Variants in NAALADL2 observed in about 807,000 individuals in gnomAD.
NAALADL2 encodes N-acetylated alpha-linked acidic dipeptidase like 2.
In NAALADL2, 76 loss-of-function variants were observed where a neutral mutation model predicts 87.2. That is an observed-to-expected ratio of 0.87 (90% CI 0.72 to 1.05). The LOEUF is 1.05. Ranked by LOEUF, NAALADL2 falls within the 50% of genes least tolerant of loss-of-function variation. The probability of loss-of-function intolerance (pLI) is 0.00; values close to 1 mark genes in which losing one functional copy is unlikely to be tolerated. For missense variants in NAALADL2, 1,089 were observed against 945.8 expected (o/e 1.15, Z -1.99); for synonymous variants, 354 against 331.0 (o/e 1.07, Z -0.75).
At chr3:175,509,434 T>G (rs1445429218) in intron 9 of NAALADL2, among the ~76,000 whole-genome samples, 1 of 152,206 alleles carries the variant, frequency 6.6e-6, no homozygotes, top group Non-Finnish European at 1.5e-5. Flanking sequence ...TGTAGCTCAT[T>G]GTACACATAT....
intron 1 of NAALADL2, chr3:174,550,490 G>A (rs1711987842): frequency 6.6e-6 from 1 of 151,988 alleles, no homozygotes; most frequent in South Asian, 2.1e-4. Flanking sequence ...TTAAATTAAA[G>A]CCACAGACTT....
intron 11 of NAALADL2, among the ~76,000 whole-genome samples, chr3:175,709,222 TA>T (rs2149995037): frequency 6.6e-6 from 1 of 152,226 alleles, no homozygotes; most frequent in East Asian, 1.9e-4. Flanking sequence ...AAATTTGGAA[TA>T]TTTTTAGCTC....
At chr3:174,889,443 C>T (rs575146851) in intron 1 of NAALADL2, among the ~76,000 whole-genome samples, 2 of 152,232 alleles carry the variant, frequency 1.3e-5, no homozygotes, top group Non-Finnish European at 2.9e-5. Flanking sequence ...TACCACCTGC[C>T]TTTAGTTCCC....
intron 1 of NAALADL2, among the ~76,000 whole-genome samples, chr3:174,952,130 A>G (rs1293166818): frequency 2.0e-5 from 3 of 152,016 alleles, no homozygotes; most frequent in Non-Finnish European, 4.4e-5. Context: ...AAATCTCCAG[A>G]CCCGTCAGAT....
chr3:175,608,543 A>G (rs1395022133), intron 10 of NAALADL2, among the ~76,000 whole-genome samples: 2 of 151,948 alleles, frequency 1.3e-5, no homozygotes, highest in Admixed American at 1.3e-4. Context: ...CCTCTCTCCC[A>G]GTGTGTTTTT....
intron 3 of NAALADL2, among the ~76,000 whole-genome samples, chr3:174,813,286 CA>C (rs546961627): frequency 3.1e-3 from 466 of 152,110 alleles, no homozygotes; most frequent in Non-Finnish European, 5.5e-3. Context: ...AAAAAAAACA[CA>C]AAAAATCTCA....
intron 11 of NAALADL2, among the ~76,000 whole-genome samples, chr3:175,681,067 C>G (rs1307882288): frequency 6.6e-6 from 1 of 152,092 alleles, no homozygotes; most frequent in Non-Finnish European, 1.5e-5. Flanking sequence ...GAGCCGAGAT[C>G]GTGCCACTGC....
chr3:175,794,800 T>C (rs1248131097), intron 13 of NAALADL2, among the ~76,000 whole-genome samples: 1 of 152,232 alleles, frequency 6.6e-6, no homozygotes, highest in African/African-American at 2.4e-5. Context: ...AAAAAAATTA[T>C]GCTGTGATGG....
In NAALADL2 at chr3:174,829,097, T is replaced by TTTG. The variant is rs143504378; in HGVS notation, c.-9+91375_-9+91377dup. Among the ~76,000 whole-genome samples the TTTG allele has an allele frequency of 9.8e-3, 1,468 of 150,372 alleles. 16 individuals are homozygous for TTTG. Among genetic ancestry groups the TTTG allele is most frequent in the African/African-American group, 0.033 (1,337 of 40,532 alleles). On this transcript the variant is annotated intron_variant, in intron 3 of 3. Transcript: ENST00000434257. ...GGTTCAGGTATTACATCTGTTTTTT[T>TTTG]TTGTTGTTGTTGTTGTTGTTGTTGT... is the stretch of plus-strand genomic sequence containing the variant.
At chr3:175,337,315 G>A (rs1252370749) in intron 5 of NAALADL2, among the ~76,000 whole-genome samples, 1 of 152,062 alleles carries the variant, frequency 6.6e-6, no homozygotes, top group African/African-American at 2.4e-5. Flanking sequence ...TGGAATCCAT[G>A]TGATATTCAG....
chr3:174,739,263 G>A lies in NAALADL2; in HGVS notation c.-9+1517G>A, dbSNP rs532454921. ...AAGTACATTTTATCAGATGGTAATG[G>A]TAATTAGGCAACAGGCTTAGTGGAA... On this transcript the variant is annotated intron_variant, in intron 3 of 3. Transcript: ENST00000434257. Among the ~76,000 whole-genome samples, 150 of 152,030 alleles carry A rather than the reference G, an allele frequency of 9.9e-4. 1 individual carries two copies. The highest frequency in any genetic ancestry group is 5.0e-3 in the South Asian group (24 of 4,818).
intron 1 of NAALADL2, among the ~76,000 whole-genome samples, chr3:174,902,213 G>T (rs1330235004): frequency 6.6e-6 from 1 of 152,032 alleles, no homozygotes; most frequent in Non-Finnish European, 1.5e-5. Flanking sequence ...ATATTATATA[G>T]CAAAACAGAT....
At chr3:175,036,357 T>C (rs1448230324) in intron 1 of NAALADL2, among the ~76,000 whole-genome samples, 1 of 152,170 alleles carries the variant, frequency 6.6e-6, no homozygotes, top group East Asian at 1.9e-4. Context: ...TTTGCATGTT[T>C]TGTTTTACAA....
At chr3:174,454,192 A>G (rs756564192) in intron 1 of NAALADL2, among the ~76,000 whole-genome samples, 1 of 152,198 alleles carries the variant, frequency 6.6e-6, no homozygotes, top group African/African-American at 2.4e-5. Context: ...GGGAAGATCT[A>G]ACTTTCCTAA....
intron 3 of NAALADL2, among the ~76,000 whole-genome samples, chr3:174,799,741 G>A (rs1718586943): frequency 6.6e-6 from 1 of 152,192 alleles, no homozygotes; most frequent in Non-Finnish European, 1.5e-5. Context: ...GGAATAGTTT[G>A]GAGGGCTGAG....
chr3:174,843,156 ATT>A (rs1227840934), intron 3 of NAALADL2, among the ~76,000 whole-genome samples: 1 of 152,126 alleles, frequency 6.6e-6, no homozygotes, highest in Non-Finnish European at 1.5e-5. Flanking sequence ...ATTATACGAT[ATT>A]GTTAACCATC....
intron 9 of NAALADL2, among the ~76,000 whole-genome samples, chr3:175,515,820 T>C (rs937117051): frequency 2.6e-5 from 4 of 152,314 alleles, no homozygotes; most frequent in Admixed American, 2.0e-4. Flanking sequence ...TCATGAGACA[T>C]AGTTCCAGGA....
chr3:175,616,236 A>G (rs1426327135), intron 10 of NAALADL2, among the ~76,000 whole-genome samples: 2 of 148,082 alleles, frequency 1.4e-5, no homozygotes, highest in Non-Finnish European at 3.0e-5. Flanking sequence ...TACATTTTAG[A>G]ATTATTGTAT....
chr3:175,736,290 T>G (rs1259354291), intron 11 of NAALADL2, among the ~76,000 whole-genome samples: 3 of 152,186 alleles, frequency 2.0e-5, no homozygotes, highest in Non-Finnish European at 4.4e-5. Flanking sequence ...CTTTTAAAAT[T>G]TGTATTTATT....
Sources: allele counts gnomAD v4.1 joint callset (sites outside exome capture counted in the v4.1 genomes callset), GRCh38; gene constraint gnomAD v4.1.1; transcripts MANE v1.5; gene names NCBI Gene and HGNC (gene_info 2026-07-23, HGNC 2026-07-21).